Variants in MELK observed in about 807,000 individuals in gnomAD.
MELK encodes the protein maternal embryonic leucine zipper kinase.
MELK carries 81 observed loss-of-function variants against 85.0 expected under a neutral mutation model. The ratio of observed to expected loss-of-function variants is 0.95; its 90% CI spans 0.80 to 1.15. MELK has a LOEUF of 1.15. MELK is among the 50% of genes most tolerant of loss of function. MELK has a pLI of 0.00. For synonymous variants in MELK, 252 were observed against 265.0 expected (o/e 0.95, Z 0.48); for missense variants, 754 against 777.5 (o/e 0.97, Z 0.36).
At chr9:36,589,696 A>G (rs1823330593) in intron 4 of MELK, 44 bp downstream of exon 4, 2 of 1,368,030 alleles carry the variant, frequency 1.5e-6, no homozygotes, top group Non-Finnish European at 2.1e-6. Context: ...TGATCACTTT[A>G]TCAATAGTAA....
At chr9:36,580,338 A>C (rs1822099861) in intron 1 of MELK, among the ~76,000 whole-genome samples, 1 of 139,322 alleles carries the variant, frequency 7.2e-6, no homozygotes, top group Non-Finnish European at 1.5e-5. Flanking sequence ...TTTTTTTTTG[A>C]GACGGAGTTT....
At position 36,633,105 on chromosome 9, in the gene MELK, G is replaced by C; in HGVS notation, c.739G>C (p.Asp247His). Residue 247 changes from aspartate to histidine, a missense_variant, in exon 10 of 18, where the codon GAC becomes CAC. Coordinates refer to ENST00000298048, the MANE Select transcript of MELK (RefSeq NM_014791.4). ...GCTACTTTTTAATGGCCACTAGGTG[G>C]ACCCAAAGAAACGGATTTCTATGAA... Reference protein sequence around the residue: ...ILLLQQMLQVDPKKRISMKNL... With the variant: ...ILLLQQMLQVHPKKRISMKNL... 1 of 1,607,320 alleles carries C rather than the reference G, an allele frequency of 6.2e-7. No individual in the cohort carries two copies. Among genetic ancestry groups the C allele is most frequent in the Non-Finnish European group, 8.5e-7 (1 of 1,176,976 alleles).
rs778373148 is a variant in MELK at position 36,651,698 on chromosome 9, T to C, written c.922-48T>C. 12 of 1,582,924 alleles carry C rather than the reference T, an allele frequency of 7.6e-6. No homozygotes were observed. The South Asian group carries it at 1.4e-4, about 18-fold the overall frequency. ...AATTAATTAAAGATAGAACATCATT[T>C]CCACAAACAAGTAATCTTCTAACCA... On this transcript the variant is annotated intron_variant, in intron 11 of 17. Coordinates refer to ENST00000298048, the MANE Select transcript of MELK (RefSeq NM_014791.4).
chr9:36,614,783 G>A lies in MELK; in HGVS notation c.666+7110G>A, dbSNP rs1826417471. Among the ~76,000 whole-genome samples the A allele has an allele frequency of 1.5e-5, 2 of 133,844 alleles. 1 individual carries two copies. The highest frequency in any genetic ancestry group is 5.3e-4 in the South Asian group (2 of 3,748). The allele number at this position is 133,844 out of a possible 152,430, so 87.8% of individuals were successfully genotyped here. On this transcript the variant is annotated intron_variant, in intron 8 of 17. Transcript: ENST00000298048. ...GGTCACAGATCAACAGGATCCCAAG[G>A]CAGAGGAATTTTTCTTAGTGCAGAA...
At chr9:36,586,653 T>G (rs910230400) in intron 3 of MELK, among the ~76,000 whole-genome samples, 2 of 152,214 alleles carry the variant, frequency 1.3e-5, no homozygotes, top group African/African-American at 4.8e-5. Context: ...TTAGTATGAC[T>G]TACTTTAACA....
At chr9:36,599,991 T>TG (rs2135589148) in intron 7 of MELK, among the ~76,000 whole-genome samples, 1 of 152,334 alleles carries the variant, frequency 6.6e-6, no homozygotes, top group South Asian at 2.1e-4. Flanking sequence ...GTTTTGCTGA[T>TG]GTGAGTGTCA....
intron 9 of MELK, 45 bp downstream of exon 9, chr9:36,630,412 G>C (rs760109276): frequency 6.7e-7 from 1 of 1,488,528 alleles, no homozygotes; most frequent in African/African-American, 1.4e-5. Flanking sequence ...TAATTGTTTG[G>C]TTCAACTTTT....
intron 14 of MELK, among the ~76,000 whole-genome samples, chr9:36,666,025 T>C (rs941236472): frequency 6.6e-6 from 1 of 152,214 alleles, no homozygotes; most frequent in African/African-American, 2.4e-5. Flanking sequence ...TCTCCAGTTG[T>C]GGTGTCTGGT....
intron 17 of MELK, among the ~76,000 whole-genome samples, chr9:36,676,550 A>C (rs1277601079): frequency 6.6e-6 from 1 of 152,166 alleles, no homozygotes; most frequent in Non-Finnish European, 1.5e-5. Flanking sequence ...CTATCTATAA[A>C]TGCCGTACGT....
intron 4 of MELK, 80 bp downstream of exon 4, chr9:36,589,732 A>G (rs191013419): frequency 9.9e-7 from 1 of 1,014,022 alleles, no homozygotes; most frequent in East Asian, 2.4e-5. Context: ...TTCACCTGAA[A>G]GATTAGAAGA....
intron 17 of MELK, among the ~76,000 whole-genome samples, chr9:36,676,241 A>G (rs1587649005): frequency 6.6e-6 from 1 of 152,354 alleles, no homozygotes; most frequent in Non-Finnish European, 1.5e-5. Context: ...ATTTTGGTAC[A>G]TAACAGTATG....
intron 17 of MELK, among the ~76,000 whole-genome samples, chr9:36,675,677 G>T (rs1030870823): frequency 6.6e-6 from 1 of 152,054 alleles, no homozygotes; most frequent in Admixed American, 6.6e-5. Context: ...CCTCTCTCCC[G>T]CTGTTGAAGG....
chr9:36,573,710 TTGGCCAGGC>T (rs1821337953), intron 1 of MELK, among the ~76,000 whole-genome samples: 1 of 152,002 alleles, frequency 6.6e-6, no homozygotes, highest in South Asian at 2.1e-4. Context: ...TTTCACCACG[TTGGCCAGGC>T]TGGTCTCCAG....
intron 11 of MELK, among the ~76,000 whole-genome samples, chr9:36,643,287 G>A (rs984949913): frequency 1.3e-5 from 2 of 152,116 alleles, no homozygotes; most frequent in African/African-American, 4.8e-5. Flanking sequence ...GGAGGCTGAG[G>A]CACGAGAATC....
Position 36,674,860 on chromosome 9 carries a change from A to G in MELK, c.1701A>G (p.Arg567=), listed in dbSNP as rs1355944862. The G allele has an allele frequency of 1.7e-5, 27 of 1,593,308 alleles. No individual in the cohort carries two copies. The highest frequency in any genetic ancestry group is 2.3e-5 in the Non-Finnish European group (27 of 1,161,918). ...TTCACTATAACGTGACTACAACTAG[A>G]TTAGTGAATCCAGATCAACTGTTGA... ...LKLHYNVTTT[R]LVNPDQLLNE... The change falls in exon 17 of 18, where the codon AGA becomes AGG. Residue 567 remains arginine, a synonymous_variant. Transcript: ENST00000298048.
chr9:36,575,752 A>G (rs963522355), intron 1 of MELK, among the ~76,000 whole-genome samples: 5 of 152,206 alleles, frequency 3.3e-5, no homozygotes, highest in Non-Finnish European at 7.3e-5. Context: ...ACACTCTTAA[A>G]TCCCTAATCT....
chr9:36,657,863 G>A (rs542400683), intron 13 of MELK, among the ~76,000 whole-genome samples: 5 of 152,284 alleles, frequency 3.3e-5, no homozygotes, highest in Admixed American at 6.5e-5. Context: ...GATTACAGGC[G>A]TGAGCCACTG....
chr9:36,586,667 C>G (rs998185844), intron 3 of MELK, among the ~76,000 whole-genome samples: 1 of 152,118 alleles, frequency 6.6e-6, no homozygotes, highest in Non-Finnish European at 1.5e-5. Context: ...TTTAACACTT[C>G]AAATACTTAA....
At chr9:36,672,103 A>G (rs576458899) in intron 16 of MELK, among the ~76,000 whole-genome samples, 3 of 152,284 alleles carry the variant, frequency 2.0e-5, no homozygotes, top group African/African-American at 7.2e-5. Flanking sequence ...GAAAATGCTG[A>G]GCTTTTGGGC....
Sources: gnomAD v4.1 joint callset for allele counts (sites outside exome capture counted in the v4.1 genomes callset) on GRCh38, gnomAD v4.1.1 for gene constraint, MANE v1.5 for transcripts, NCBI Gene and HGNC (gene_info 2026-07-23, HGNC 2026-07-21) for gene names.